The following DPP6 variants were observed in gnomAD, a reference collection of about 807,000 sequenced individuals.
DPP6 encodes A-type potassium channel modulatory protein DPP6.
A neutral mutation model predicts 122.6 loss-of-function variants in DPP6; 69 were observed. That is an observed-to-expected ratio of 0.56 (90% CI 0.46 to 0.69). The LOEUF is 0.69. Ranked by LOEUF, DPP6 falls within the 30% of genes least tolerant of loss-of-function variation. The pLI, the probability that DPP6 is intolerant of heterozygous loss-of-function variation, is 0.00. For synonymous variants in DPP6, 418 were observed against 433.1 expected (o/e 0.97, Z 0.43); for missense variants, 928 against 1,116.9 (o/e 0.83, Z 2.41).
intron 1 of DPP6, among the ~76,000 whole-genome samples, chr7:154,258,444 G>A (rs1488842550): frequency 6.6e-6 from 1 of 152,176 alleles, no homozygotes; most frequent in African/African-American, 2.4e-5. Context: ...CAGTAACTGA[G>A]ATCCCGTGGA....
the DPP6 span, among the ~76,000 whole-genome samples, chr7:153,812,536 T>G: frequency 1.3e-5 from 2 of 152,026 alleles, no homozygotes; most frequent in Non-Finnish European, 2.9e-5. Context: ...TGGGTGGTGA[T>G]TTAGTCAACA....
At chr7:154,533,412 A>G (rs770585657) in intron 3 of DPP6, among the ~76,000 whole-genome samples, 1 of 152,208 alleles carries the variant, frequency 6.6e-6, no homozygotes, top group Non-Finnish European at 1.5e-5. Flanking sequence ...AAGCAGCTCT[A>G]TTTCGGTTAA....
At chr7:154,692,808 G>A (rs887304758) in intron 7 of DPP6, among the ~76,000 whole-genome samples, 2 of 147,366 alleles carry the variant, frequency 1.4e-5, no homozygotes, top group African/African-American at 2.5e-5. Flanking sequence ...TTGAGACAGG[G>A]TCTCACTCTG....
intron 21 of DPP6, 107 bp downstream of exon 21, chr7:154,881,049 A>T (rs540385401): frequency 1.2e-5 from 17 of 1,393,338 alleles, no homozygotes; most frequent in Middle Eastern, 1.9e-4. Context: ...TCTGCTGGTG[A>T]GCAAGTAATT....
At chr7:154,108,646 G>C (rs1023451975) in intron 1 of DPP6, among the ~76,000 whole-genome samples, 15 of 152,200 alleles carry the variant, frequency 9.9e-5, no homozygotes, top group Non-Finnish European at 2.2e-4. Flanking sequence ...ACAGGCTGCA[G>C]AGCATCCAGC....
intron 14 of DPP6, 85 bp from the exon 15 acceptor site, chr7:154,804,832 G>A: frequency 6.5e-7 from 1 of 1,542,020 alleles, no homozygotes; most frequent in Non-Finnish European, 8.8e-7. Flanking sequence ...TCCCTGAGGA[G>A]TGTCCATAGA....
At chr7:153,901,142 A>T (rs1799625184) in intron 1 of DPP6, among the ~76,000 whole-genome samples, 1 of 152,148 alleles carries the variant, frequency 6.6e-6, no homozygotes, top group African/African-American at 2.4e-5. Flanking sequence ...TATATATATA[A>T]AGGAGATAAT....
chr7:154,489,486 A>C (rs1044453513), intron 3 of DPP6, among the ~76,000 whole-genome samples: 2 of 152,272 alleles, frequency 1.3e-5, no homozygotes. Context: ...TCTTTAGTGT[A>C]AAAGTGGTAG....
intron 1 of DPP6, among the ~76,000 whole-genome samples, chr7:153,916,417 C>T (rs1181458316): frequency 7.3e-6 from 1 of 137,660 alleles, no homozygotes; most frequent in Admixed American, 7.3e-5. Flanking sequence ...CTCTCTCCTC[C>T]CCTCCCCTCC....
the DPP6 span, among the ~76,000 whole-genome samples, chr7:153,878,865 C>A: frequency 6.6e-6 from 1 of 151,286 alleles, no homozygotes; most frequent in African/African-American, 2.4e-5. Context: ...AATCTCTGTG[C>A]AGGAATTAAG....
intron 1 of DPP6, among the ~76,000 whole-genome samples, chr7:154,019,041 A>G (rs1377426614): frequency 2.0e-5 from 3 of 152,202 alleles, no homozygotes; most frequent in African/African-American, 7.2e-5. Flanking sequence ...TCTACACACA[A>G]ATGAATAATT....
intron 13 of DPP6, among the ~76,000 whole-genome samples, chr7:154,802,429 G>A (rs1163932399): frequency 6.6e-6 from 1 of 152,028 alleles, no homozygotes; most frequent in Non-Finnish European, 1.5e-5. Context: ...TGGAGGTTCA[G>A]GTGCAATTTT....
At chr7:154,369,270 T>G (rs1281079999) in intron 1 of DPP6, among the ~76,000 whole-genome samples, 1 of 151,548 alleles carries the variant, frequency 6.6e-6, no homozygotes, top group African/African-American at 2.4e-5. Context: ...AGTTTTTGTA[T>G]TTTTAGTAGA....
intron 3 of DPP6, among the ~76,000 whole-genome samples, chr7:154,516,296 A>T (rs145795013): frequency 1.2e-3 from 182 of 152,176 alleles, no homozygotes; most frequent in Non-Finnish European, 2.3e-3. Context: ...CAGAAACATA[A>T]AAAGAGAGGT....
At chr7:154,653,121 A>C (rs555917762) in intron 6 of DPP6, among the ~76,000 whole-genome samples, 3 of 152,336 alleles carry the variant, frequency 2.0e-5, no homozygotes, top group South Asian at 4.1e-4. Context: ...TTTTACTGAA[A>C]GGCAGGAGGA....
At chr7:154,238,724 C>A (rs1801379836) in intron 1 of DPP6, among the ~76,000 whole-genome samples, 1 of 152,160 alleles carries the variant, frequency 6.6e-6, no homozygotes, top group African/African-American at 2.4e-5. Flanking sequence ...CTATAGATAC[C>A]TTCAATATTT....
At chr7:154,342,929 A>C (rs1466114173) in intron 1 of DPP6, among the ~76,000 whole-genome samples, 1 of 152,226 alleles carries the variant, frequency 6.6e-6, no homozygotes, top group East Asian at 1.9e-4. Context: ...ATCAAAATTT[A>C]TTTATTAAAG....
chr7:154,311,804 C>T (rs1345653721), intron 1 of DPP6, among the ~76,000 whole-genome samples: 5 of 152,196 alleles, frequency 3.3e-5, no homozygotes, highest in Admixed American at 2.6e-4. Context: ...GCACCATTTT[C>T]TCATACTTGA....
intron 3 of DPP6, among the ~76,000 whole-genome samples, chr7:154,512,348 G>A (rs1207701996): frequency 6.6e-6 from 1 of 152,104 alleles, no homozygotes; most frequent in African/African-American, 2.4e-5. Context: ...GTTATATAAA[G>A]CACTTTGAAG....
Sources: gnomAD v4.1 joint callset for allele counts (sites outside exome capture counted in the v4.1 genomes callset) on GRCh38, gnomAD v4.1.1 for gene constraint, MANE v1.5 for transcripts, NCBI Gene and HGNC (gene_info 2026-07-23, HGNC 2026-07-21) for gene names.